ILDR1: variants seen among roughly 807,000 people sequenced by gnomAD.
ILDR1 encodes the protein immunoglobulin like domain containing receptor 1.
A neutral mutation model predicts 62.4 loss-of-function variants in ILDR1; 56 were observed. The ratio of observed to expected loss-of-function variants is 0.90; its 90% CI spans 0.72 to 1.12. The LOEUF is 1.12. ILDR1 is among the 50% of genes most tolerant of loss of function. ILDR1 has a pLI of 0.00. For synonymous variants in ILDR1, 284 were observed against 277.8 expected (o/e 1.02, Z -0.22); for missense variants, 736 against 710.6 (o/e 1.04, Z -0.41).
intron 5 of ILDR1, among the ~76,000 whole-genome samples, chr3:122,000,251 A>AG (rs1208355656): frequency 6.7e-6 from 1 of 150,076 alleles, no homozygotes; most frequent in East Asian, 1.9e-4. Context: ...TAAGTTAAGG[A>AG]GGAAAAAAAA....
At chr3:122,006,061 G>T (rs2071605891) in intron 2 of ILDR1, among the ~76,000 whole-genome samples, 2 of 152,246 alleles carry the variant, frequency 1.3e-5, no homozygotes, top group South Asian at 2.1e-4. Flanking sequence ...GTAACCCCCA[G>T]GAAACAATGC....
At chr3:122,037,334 C>T in the ILDR1 span, among the ~76,000 whole-genome samples, 1 of 152,222 alleles carries the variant, frequency 6.6e-6, no homozygotes. Flanking sequence ...GGGGCTGTAC[C>T]CTGCAGAGCC....
At chr3:122,023,568 G>A (rs2071895095), upstream of ILDR1, among the ~76,000 whole-genome samples, 1 of 151,938 alleles carries the variant, frequency 6.6e-6, no homozygotes, top group African/African-American at 2.4e-5. Context: ...CTTTCATTTC[G>A]CCTCTACCCA....
the ILDR1 span, among the ~76,000 whole-genome samples, chr3:122,053,076 A>T: frequency 1.3e-5 from 2 of 152,040 alleles, no homozygotes; most frequent in Non-Finnish European, 2.9e-5. Flanking sequence ...CAGCTTCTGG[A>T]TTTCTCACAA....
At chr3:122,048,462 T>C in the ILDR1 span, among the ~76,000 whole-genome samples, 5 of 152,224 alleles carry the variant, frequency 3.3e-5, no homozygotes, top group African/African-American at 9.6e-5. Flanking sequence ...AAGTGTTCTA[T>C]CCTCTTCAAA....
chr3:122,060,417 C>T, the ILDR1 span, among the ~76,000 whole-genome samples: 1 of 152,128 alleles, frequency 6.6e-6, no homozygotes, highest in Admixed American at 6.5e-5. Flanking sequence ...GGAGTAAACT[C>T]ACCTCTGCTG....
At chr3:122,056,614 G>A in the ILDR1 span, among the ~76,000 whole-genome samples, 4 of 152,130 alleles carry the variant, frequency 2.6e-5, no homozygotes, top group African/African-American at 9.7e-5. Context: ...TTACAGGCGT[G>A]AGCCACCGCG....
the ILDR1 span, among the ~76,000 whole-genome samples, chr3:122,045,167 C>T: frequency 2.6e-4 from 39 of 150,442 alleles, no homozygotes; most frequent in Admixed American, 1.2e-3. Flanking sequence ...GCCTTCATTT[C>T]GTTATGTACC....
At chr3:122,017,928 T>C (rs1274863752) in intron 1 of ILDR1, among the ~76,000 whole-genome samples, 1 of 152,202 alleles carries the variant, frequency 6.6e-6, no homozygotes, top group Non-Finnish European at 1.5e-5. Flanking sequence ...ATAGGAACGC[T>C]TTTACACTGT....
chr3:122,012,182 T>C (rs1014424821), intron 1 of ILDR1, among the ~76,000 whole-genome samples: 2 of 152,092 alleles, frequency 1.3e-5, no homozygotes, highest in Non-Finnish European at 2.9e-5. Context: ...ACTAAGCAGG[T>C]GGAGTTTTCA....
At chr3:122,006,226 G>A (rs1182177478) in intron 2 of ILDR1, among the ~76,000 whole-genome samples, 1 of 152,160 alleles carries the variant, frequency 6.6e-6, no homozygotes, top group African/African-American at 2.4e-5. Context: ...CTTCTTCTCA[G>A]GAGGCTCACT....
chr3:122,051,706 A>C, the ILDR1 span, among the ~76,000 whole-genome samples: 1 of 152,046 alleles, frequency 6.6e-6, no homozygotes, highest in Non-Finnish European at 1.5e-5. Flanking sequence ...TCTGCATATT[A>C]AAAAACAAAA....
Position 121,987,833 on chromosome 3 carries a change from T to C in ILDR1, c.*534A>G, listed in dbSNP as rs1043721475. The C allele has an allele frequency of 1.3e-5, 3 of 226,802 alleles. No individual in the cohort carries two copies. Among genetic ancestry groups the C allele is most frequent in the African/African-American group, 7.0e-5 (3 of 42,992 alleles). The allele number at this position is 226,802 out of a possible 1,614,324, so 14.0% of individuals were successfully genotyped here. On this transcript the variant is annotated 3_prime_UTR_variant, in exon 8 of 8. Transcript: ENST00000344209. ...CATTACAAGTCAGAGATTATATAAA[T>C]ATGCAAGAGAGCATGAACCAAGGCT... is the stretch of plus-strand genomic sequence containing the variant.
At chr3:122,021,822 T>C (rs1426110213) in intron 1 of ILDR1, among the ~76,000 whole-genome samples, 198 bp downstream of exon 1, 1 of 152,230 alleles carries the variant, frequency 6.6e-6, no homozygotes, top group Non-Finnish European at 1.5e-5. Flanking sequence ...GGGCCTGGAC[T>C]AACAAAAGAG....
chr3:122,026,739 G>T (rs2071924378), upstream of ILDR1, among the ~76,000 whole-genome samples: 1 of 152,150 alleles, frequency 6.6e-6, no homozygotes, highest in South Asian at 2.1e-4. Context: ...AAAAGCAGGA[G>T]GTGGTGGAAG....
At chr3:122,058,758 T>TA in the ILDR1 span, among the ~76,000 whole-genome samples, 23 of 151,884 alleles carry the variant, frequency 1.5e-4, no homozygotes, top group African/African-American at 2.7e-4. Flanking sequence ...AAATTTACTT[T>TA]AAAAAAAATC....
chr3:122,027,346 C>T, the ILDR1 span, among the ~76,000 whole-genome samples: 27 of 152,256 alleles, frequency 1.8e-4, no homozygotes, highest in East Asian at 4.6e-3. Context: ...CCCACCACTA[C>T]GTCCAGCTAA....
At chr3:122,051,989 C>A in the ILDR1 span, among the ~76,000 whole-genome samples, 3 of 152,154 alleles carry the variant, frequency 2.0e-5, no homozygotes, top group East Asian at 5.8e-4. Context: ...AGTAGCAGCA[C>A]ACTGTCCAGC....
chr3:122,048,033 T>C, the ILDR1 span, among the ~76,000 whole-genome samples: 3 of 152,224 alleles, frequency 2.0e-5, no homozygotes, highest in African/African-American at 4.8e-5. Context: ...TTGTTCCTCA[T>C]CAAGGAAAAG....
Sources: allele counts gnomAD v4.1 joint callset (sites outside exome capture counted in the v4.1 genomes callset), GRCh38; gene constraint gnomAD v4.1.1; transcripts MANE v1.5; gene names NCBI Gene and HGNC (gene_info 2026-07-23, HGNC 2026-07-21).